The following CNOT1 variants were observed in gnomAD, a reference collection of about 807,000 sequenced individuals.
The protein encoded by CNOT1 is CCR4-associated factor 1.
In CNOT1, 15 loss-of-function variants were observed where a neutral mutation model predicts 273.8. That is an observed-to-expected ratio of 0.05 (90% CI 0.04 to 0.08). The LOEUF (loss-of-function observed/expected upper bound fraction) is 0.08, where lower values mean the gene tolerates loss of function less well. Among genes scored for constraint, CNOT1 ranks in the 10% least tolerant of loss-of-function variants. The pLI, the probability that CNOT1 is intolerant of heterozygous loss-of-function variation, is 1.00. For synonymous variants in CNOT1, 1,022 were observed against 1,005.5 expected, an observed-to-expected ratio of 1.02 and a Z score of -0.31; for missense variants, 1,644 against 2,912.2, an observed-to-expected ratio of 0.56 and a Z score of 10.02.
At position 58,583,117 on chromosome 16, in the gene CNOT1, G is replaced by C. The variant is rs2041710020; in HGVS notation, c.872C>G (p.Ala291Gly). ...TCGAGCCATCATTCCCAAAACCCTT[G>C]CAACCTGGGCAGCTGTGACCTCCCG... is the stretch of plus-strand genomic sequence containing the variant. ...GVREVTAAQVARVLGMMARTH... is the reference protein window; with the variant it reads ...GVREVTAAQVGRVLGMMARTH... The change falls in exon 9 of 49, where the codon GCA becomes GGA. Residue 291 changes from alanine (A) to glycine (G), a missense_variant. Coordinates refer to ENST00000317147, the MANE Select transcript of CNOT1 (RefSeq NM_016284.5). The C allele has an allele frequency of 6.2e-7, 1 of 1,613,928 alleles. No individual in the cohort carries two copies. The highest frequency in any genetic ancestry group is 8.5e-7 in the Non-Finnish European group (1 of 1,180,000).
chr16:58,551,421 T>C (rs1344572585), intron 23 of CNOT1, 149 bp from the exon 24 acceptor site: 5 of 1,192,828 alleles, frequency 4.2e-6, no homozygotes, highest in African/African-American at 1.5e-5. Context: ...ACTATTAATA[T>C]GTTTGCCTCT....
chr16:58,534,124 T>C, intron 40 of CNOT1, 23 bp downstream of exon 40: 3 of 1,610,580 alleles, frequency 1.9e-6, no homozygotes, highest in South Asian at 2.2e-5. Context: ...AGACCAAGAC[T>C]AAGGCAAGAA....
chr16:58,625,257 A>C (rs2043514588), intron 1 of CNOT1, among the ~76,000 whole-genome samples: 1 of 152,146 alleles, frequency 6.6e-6, no homozygotes, highest in South Asian at 2.1e-4. Context: ...TCACGCCTGT[A>C]ATCACAGCAC....
At chr16:58,553,395 A>G (rs1378144396) in intron 22 of CNOT1, among the ~76,000 whole-genome samples, 2 of 152,210 alleles carry the variant, frequency 1.3e-5, no homozygotes, top group African/African-American at 4.8e-5. Flanking sequence ...GGCTCATATT[A>G]ACTCAAAAAT....
intron 1 of CNOT1, among the ~76,000 whole-genome samples, chr16:58,628,249 A>G (rs2043667999): frequency 6.6e-6 from 1 of 152,216 alleles, no homozygotes; most frequent in African/African-American, 2.4e-5. Context: ...GCCACCTAAA[A>G]CCATGTATCA....
intron 1 of CNOT1, among the ~76,000 whole-genome samples, chr16:58,600,852 C>T (rs138039549): frequency 1.3e-5 from 2 of 152,290 alleles, no homozygotes; most frequent in Non-Finnish European, 2.9e-5. Context: ...GTAATCCCAA[C>T]ACTTTGGGAG....
At chr16:58,583,951 G>C (rs1040253479) in intron 8 of CNOT1, among the ~76,000 whole-genome samples, 2 of 148,134 alleles carry the variant, frequency 1.4e-5, no homozygotes, top group Non-Finnish European at 2.9e-5. Context: ...GGTGGATCAC[G>C]AGGTCAGGAG....
In CNOT1 at chr16:58,626,675, G is replaced by A. The variant is rs565920172; in HGVS notation, c.-175+3053C>T. Among the ~76,000 whole-genome samples, 5 of 151,512 alleles carry A rather than the reference G, an allele frequency of 3.3e-5. 2 individuals are homozygous for A. The highest frequency in any genetic ancestry group is 9.7e-5 in the African/African-American group (4 of 41,332). On this transcript the variant is annotated intron_variant, in intron 1 of 48. Coordinates refer to ENST00000317147, the MANE Select transcript of CNOT1 (RefSeq NM_016284.5). ...CTTGGGAGGCTGGGGCAGGAGAATC[G>A]CTTGAACCCAGGAGGCGGAGGTTGT...
intron 47 of CNOT1, among the ~76,000 whole-genome samples, chr16:58,522,237 CAAAAAAAAAAAAAA>C (rs56149974): frequency 1.2e-4 from 12 of 98,556 alleles, no homozygotes; most frequent in Admixed American, 8.2e-4. Context: ...GAGACTGTCT[CAAAAAAAAAAAAAA>C]AAAAAAAAAA....
chr16:58,625,340 C>G (rs1328432705), intron 1 of CNOT1, among the ~76,000 whole-genome samples: 1 of 152,140 alleles, frequency 6.6e-6, no homozygotes, highest in Non-Finnish European at 1.5e-5. Context: ...TGGTGAAACC[C>G]TGTCTCTACT....
Position 58,526,103 on chromosome 16 carries a change from C to T in CNOT1, c.6489G>A (p.Arg2163=), listed in dbSNP as rs2039571811. ...DMLSEINIAP[R]ILTNFTGVMP... is the part of the protein sequence containing the mutation. ...TTACTCCAGTGAAATTGGTGAGAAT[C>T]CGGGGAGCAATGTTAATTTCACTCA... The change falls in exon 45 of 49, where the codon CGG becomes CGA. Residue 2163 remains arginine (R), a synonymous_variant. Coordinates refer to ENST00000317147, the MANE Select transcript of CNOT1 (RefSeq NM_016284.5). The T allele has an allele frequency of 1.2e-6, 2 of 1,614,072 alleles. No homozygotes were observed. Among genetic ancestry groups the T allele is most frequent in the African/African-American group, 2.7e-5 (2 of 75,036 alleles).
intron 23 of CNOT1, 135 bp from the exon 24 acceptor site, chr16:58,551,407 G>C (rs2040444597): frequency 5.8e-6 from 7 of 1,198,822 alleles, no homozygotes; most frequent in Non-Finnish European, 6.9e-6. Context: ...GGCAAGAATA[G>C]TGAACTATTA....
intron 16 of CNOT1, among the ~76,000 whole-genome samples, chr16:58,571,064 C>A (rs1223867994): frequency 6.6e-6 from 1 of 151,948 alleles, no homozygotes; most frequent in African/African-American, 2.4e-5. Flanking sequence ...CTAAAAGAGA[C>A]CTACTTCAAA....
intron 17 of CNOT1, among the ~76,000 whole-genome samples, chr16:58,559,511 G>T (rs1363724358): frequency 6.6e-6 from 1 of 152,152 alleles, no homozygotes; most frequent in Non-Finnish European, 1.5e-5. Flanking sequence ...GGGAAGATCA[G>T]CTCCAATTTT....
At chr16:58,568,389 T>C (rs1232310265) in intron 16 of CNOT1, among the ~76,000 whole-genome samples, 1 of 139,116 alleles carries the variant, frequency 7.2e-6, no homozygotes, top group Non-Finnish European at 1.5e-5. Context: ...AAAAAATCTG[T>C]AAAGAAAAAC....
intron 1 of CNOT1, among the ~76,000 whole-genome samples, chr16:58,614,105 A>G (rs2042998044): frequency 8.3e-6 from 1 of 120,210 alleles, no homozygotes. Flanking sequence ...AAAAAAAAAA[A>G]AGAAAAGAAA....
At chr16:58,566,911 G>A (rs913752403) in intron 16 of CNOT1, among the ~76,000 whole-genome samples, 2 of 152,134 alleles carry the variant, frequency 1.3e-5, no homozygotes, top group Non-Finnish European at 2.9e-5. Context: ...GATTACAGCT[G>A]TGAGCCACCG....
chr16:58,594,090 C>T (rs772631114), intron 2 of CNOT1, among the ~76,000 whole-genome samples: 8 of 151,982 alleles, frequency 5.3e-5, no homozygotes, highest in Non-Finnish European at 8.8e-5. Context: ...ACTAAAAATA[C>T]AAAATTAGCT....
chr16:58,558,046 C>T (rs1267956537), intron 18 of CNOT1, among the ~76,000 whole-genome samples: 3 of 152,092 alleles, frequency 2.0e-5, no homozygotes, highest in African/African-American at 7.2e-5. Flanking sequence ...TTTGGGATGT[C>T]CTATCATTTT....
Sources: gnomAD v4.1 joint callset for allele counts (sites outside exome capture counted in the v4.1 genomes callset) on GRCh38, gnomAD v4.1.1 for gene constraint, MANE v1.5 for transcripts, NCBI Gene and HGNC (gene_info 2026-07-23, HGNC 2026-07-21) for gene names.